Variants in GFRA1 observed in about 807,000 individuals in gnomAD.
GFRA1 encodes the protein GDNF family receptor alpha-1.
A neutral mutation model predicts 51.6 loss-of-function variants in GFRA1; 16 were observed. The ratio of observed to expected loss-of-function variants is 0.31; its 90% CI spans 0.21 to 0.47. The LOEUF (loss-of-function observed/expected upper bound fraction) is 0.47. Among genes scored for constraint, GFRA1 ranks in the 20% least tolerant of loss-of-function variants. The pLI is 1.00. For synonymous variants in GFRA1, 270 were observed against 241.3 expected (o/e 1.12, Z -1.10); for missense variants, 530 against 594.3 (o/e 0.89, Z 1.13).
chr10:116,273,645 CACTCTCTCTCTCTCTCTCTCTCTCTG>C (rs1356902901), upstream of GFRA1, among the ~76,000 whole-genome samples: 4 of 3,562 alleles, frequency 1.1e-3, no homozygotes, highest in Admixed American at 3.5e-3. Context: ...CAGACACACA[CACTCTCTCTCTCTCTCTCTCTCTCTG>C]TCTCTCTCTC....
At chr10:116,194,948 T>A (rs559892622) in intron 5 of GFRA1, among the ~76,000 whole-genome samples, 45 of 152,318 alleles carry the variant, frequency 3.0e-4, no homozygotes, top group African/African-American at 1.1e-3. Context: ...AGGCAATAAA[T>A]GTTTTCAGCG....
intron 4 of GFRA1, among the ~76,000 whole-genome samples, chr10:116,239,689 TAATTAA>T (rs1363904279): frequency 1.3e-5 from 2 of 152,204 alleles, no homozygotes; most frequent in African/African-American, 4.8e-5. Flanking sequence ...GCCACAGTAA[TAATTAA>T]AATTATTATT....
At chr10:116,169,304 A>C (rs1960800866) in intron 5 of GFRA1, among the ~76,000 whole-genome samples, 1 of 152,266 alleles carries the variant, frequency 6.6e-6, no homozygotes, top group Admixed American at 6.5e-5. Flanking sequence ...TACCTTCCCC[A>C]AAAGCTGATC....
chr10:116,141,419 G>C (rs1334295220), intron 5 of GFRA1, among the ~76,000 whole-genome samples: 1 of 152,210 alleles, frequency 6.6e-6, no homozygotes, highest in Non-Finnish European at 1.5e-5. Flanking sequence ...TTAGTTGCGA[G>C]CTTTGTTTAG....
chr10:116,130,463 A>G (rs73368483), intron 5 of GFRA1, among the ~76,000 whole-genome samples: 8,285 of 152,182 alleles, frequency 0.054, 775 homozygotes, highest in African/African-American at 0.19. Flanking sequence ...CAACTGGAAC[A>G]AGGAAAACAA....
At chr10:116,093,401 C>T (rs1193791050) in intron 8 of GFRA1, among the ~76,000 whole-genome samples, 1 of 152,172 alleles carries the variant, frequency 6.6e-6, no homozygotes, top group African/African-American at 2.4e-5. Context: ...ATAATGTACC[C>T]TTAGTTATTT....
chr10:116,067,021 A>G (rs1955145759), intron 9 of GFRA1, among the ~76,000 whole-genome samples: 1 of 152,236 alleles, frequency 6.6e-6, no homozygotes, highest in Non-Finnish European at 1.5e-5. Flanking sequence ...CTATATTTGC[A>G]TATGCCAGCT....
chr10:116,258,652 G>A (rs1351293233), intron 4 of GFRA1, among the ~76,000 whole-genome samples: 2 of 151,992 alleles, frequency 1.3e-5, no homozygotes, highest in Non-Finnish European at 2.9e-5. Context: ...TACTGCATGA[G>A]TTCTGAAGCC....
chr10:116,203,259 A>C (rs1964479997), intron 5 of GFRA1, among the ~76,000 whole-genome samples: 1 of 152,222 alleles, frequency 6.6e-6, no homozygotes, highest in African/African-American at 2.4e-5. Context: ...TGTATGAATC[A>C]ACTACAATCG....
At chr10:116,117,215 G>A (rs1487383659) in intron 6 of GFRA1, among the ~76,000 whole-genome samples, 1 of 152,178 alleles carries the variant, frequency 6.6e-6, no homozygotes, top group African/African-American at 2.4e-5. Flanking sequence ...AGCACCCAGT[G>A]AATGCGTTGT....
intron 9 of GFRA1, among the ~76,000 whole-genome samples, chr10:116,071,294 A>G (rs1158785375): frequency 6.6e-6 from 1 of 152,176 alleles, no homozygotes; most frequent in Non-Finnish European, 1.5e-5. Flanking sequence ...GTGTTGCCTG[A>G]ACCTCAGCCA....
intron 4 of GFRA1, among the ~76,000 whole-genome samples, chr10:116,222,019 A>G (rs1965959562): frequency 1.3e-5 from 2 of 152,100 alleles, no homozygotes; most frequent in Admixed American, 1.3e-4. Flanking sequence ...AATACAAGGA[A>G]ATATGACTGA....
Position 116,269,605 on chromosome 10 carries a change from T to C in GFRA1, c.335-19A>G. 6.9e-7 allele frequency: 1 copy of C among 1,443,752 alleles called. No individual in the cohort carries two copies. The allele number at this position is 1,443,752 out of a possible 1,614,324, so 89.4% of individuals were successfully genotyped here. A position where few individuals can be genotyped will look rare whatever the true frequency, so the allele number is the denominator to read the frequency against. On this transcript the variant is annotated intron_variant, in intron 3 of 10. Transcript: ENST00000355422. ...TCATTTCCTAAAAACAACAGAAAGA[T>C]TGGGCTCAGATCAGAAAAACATATA...
chr10:116,154,797 G>A (rs770235695), intron 5 of GFRA1, among the ~76,000 whole-genome samples: 11 of 152,310 alleles, frequency 7.2e-5, no homozygotes, highest in Admixed American at 1.3e-4. Flanking sequence ...CTGGCACAGA[G>A]AGGAATGGGT....
chr10:116,147,507 G>A (rs1958857721), intron 5 of GFRA1, among the ~76,000 whole-genome samples: 1 of 151,866 alleles, frequency 6.6e-6, no homozygotes, highest in African/African-American at 2.4e-5. Context: ...CCACAGAAAG[G>A]GCTACCTGTT....
intron 9 of GFRA1, among the ~76,000 whole-genome samples, chr10:116,076,513 A>C (rs1375546595): frequency 6.6e-6 from 1 of 152,172 alleles, no homozygotes; most frequent in Non-Finnish European, 1.5e-5. Context: ...CTCTTCCCAA[A>C]GTATTTACCG....
intron 5 of GFRA1, among the ~76,000 whole-genome samples, chr10:116,151,285 T>G (rs1959054615): frequency 6.6e-6 from 1 of 152,186 alleles, no homozygotes; most frequent in Non-Finnish European, 1.5e-5. Flanking sequence ...TTGGCCTCTG[T>G]TAGCCACAAT....
intron 4 of GFRA1, among the ~76,000 whole-genome samples, chr10:116,252,688 A>G (rs186146196): frequency 1.7e-4 from 26 of 152,328 alleles, no homozygotes; most frequent in Admixed American, 1.2e-3. Flanking sequence ...TCCCAGGTGC[A>G]GTGCAATGTC....
At chr10:116,108,940 A>G (rs1279181377) in intron 6 of GFRA1, among the ~76,000 whole-genome samples, 1 of 152,230 alleles carries the variant, frequency 6.6e-6, no homozygotes, top group African/African-American at 2.4e-5. Flanking sequence ...TAAGGCTCCA[A>G]TCACCTACAG....
Sources: gnomAD v4.1 joint callset for allele counts (sites outside exome capture counted in the v4.1 genomes callset) on GRCh38, gnomAD v4.1.1 for gene constraint, MANE v1.5 for transcripts, NCBI Gene and HGNC (gene_info 2026-07-23, HGNC 2026-07-21) for gene names.